The following FRMD3 variants were observed in gnomAD, a reference collection of about 807,000 sequenced individuals.
The protein encoded by FRMD3 is FERM domain containing 3.
In FRMD3, 33 loss-of-function variants were observed where a neutral mutation model predicts 70.2. That is an observed-to-expected ratio of 0.47 (90% CI 0.36 to 0.63). FRMD3 has a LOEUF of 0.63. Among genes scored for constraint, FRMD3 ranks in the 20% least tolerant of loss-of-function variants. The pLI, the probability that FRMD3 is intolerant of heterozygous loss-of-function variation, is 0.00. For synonymous variants in FRMD3, 279 were observed against 255.9 expected (o/e 1.09, Z -0.86); for missense variants, 632 against 711.4 (o/e 0.89, Z 1.27).
At position 83,486,251 on chromosome 9, in the gene FRMD3, G is replaced by A. The variant is rs146033389; in HGVS notation, c.147+51834C>T. The stretch of plus-strand genomic sequence containing the variant: ...CTTTGCCTACTCATGATGCTGAGAC[G>A]TCACCAAGGATGACTGTCACCAAGC... On this transcript the variant is annotated intron_variant, in intron 1 of 13. Transcript: ENST00000304195. Among the ~76,000 whole-genome samples, 36 of 152,206 alleles carry A rather than the reference G, an allele frequency of 2.4e-4. No homozygotes were observed. The South Asian group carries it at 5.8e-3, about 25-fold the overall frequency.
intron 1 of FRMD3, among the ~76,000 whole-genome samples, chr9:83,460,608 T>A (rs3860929): frequency 0.75 from 113,962 of 152,000 alleles, 42,884 homozygotes; most frequent in African/African-American, 0.81. Context: ...TTTCATTGAA[T>A]AAGGGATCCG....
chr9:83,465,836 T>C (rs1394184479), intron 1 of FRMD3, among the ~76,000 whole-genome samples: 1 of 152,194 alleles, frequency 6.6e-6, no homozygotes, highest in Non-Finnish European at 1.5e-5. Flanking sequence ...TGTATCCAAC[T>C]CATTAAAAAA....
chr9:83,581,223 C>T, the FRMD3 span, among the ~76,000 whole-genome samples: 1 of 151,572 alleles, frequency 6.6e-6, no homozygotes, highest in African/African-American at 2.4e-5. Context: ...CAAATTACAC[C>T]CCGTTAAGGA....
chr9:83,573,995 G>A, the FRMD3 span, among the ~76,000 whole-genome samples: 1 of 152,184 alleles, frequency 6.6e-6, no homozygotes, highest in African/African-American at 2.4e-5. Context: ...AAATAGCAAG[G>A]CTATTACCCC....
At chr9:83,324,766 A>C (rs986449556) in intron 6 of FRMD3, among the ~76,000 whole-genome samples, 1 of 152,202 alleles carries the variant, frequency 6.6e-6, no homozygotes, top group Admixed American at 6.5e-5. Flanking sequence ...TGTGGATGAG[A>C]GTTCTGACAT....
At chr9:83,295,220 G>T (rs1157886377) in intron 12 of FRMD3, among the ~76,000 whole-genome samples, 2 of 152,192 alleles carry the variant, frequency 1.3e-5, no homozygotes, top group Non-Finnish European at 2.9e-5. Context: ...TTCTCATTGT[G>T]CATGTAAGAT....
intron 4 of FRMD3, 64 bp from the exon 5 acceptor site, chr9:83,343,351 G>C: frequency 8.9e-7 from 1 of 1,125,274 alleles, no homozygotes; most frequent in Non-Finnish European, 1.4e-6. Flanking sequence ...AAGTAGGATT[G>C]TTCATGCTTA....
chr9:83,510,021 A>G (rs1829302003), intron 1 of FRMD3, among the ~76,000 whole-genome samples: 1 of 152,184 alleles, frequency 6.6e-6, no homozygotes, highest in Non-Finnish European at 1.5e-5. Flanking sequence ...TTTCATACAG[A>G]TAGTGTAATA....
chr9:83,422,338 G>C (rs547237377), intron 1 of FRMD3, among the ~76,000 whole-genome samples: 1 of 152,132 alleles, frequency 6.6e-6, no homozygotes, highest in Non-Finnish European at 1.5e-5. Flanking sequence ...TTCCCAGAAA[G>C]CTCTTCATTC....
At chr9:83,576,062 T>C in the FRMD3 span, among the ~76,000 whole-genome samples, 1 of 151,634 alleles carries the variant, frequency 6.6e-6, no homozygotes. Context: ...AAATAAAAAA[T>C]TTTCTAAAAG....
At chr9:83,475,964 T>C (rs775179629) in intron 1 of FRMD3, among the ~76,000 whole-genome samples, 5 of 152,210 alleles carry the variant, frequency 3.3e-5, no homozygotes, top group Non-Finnish European at 7.3e-5. Context: ...GCTGAGTGTC[T>C]ACAGTGGGCT....
chr9:83,312,099 G>A, intron 7 of FRMD3, 124 bp from the exon 8 acceptor site: 1 of 703,272 alleles, frequency 1.4e-6, no homozygotes, highest in South Asian at 2.0e-5. Flanking sequence ...AATGATTGTA[G>A]CAATAAACTA....
At chr9:83,459,968 C>A (rs1827924690) in intron 1 of FRMD3, among the ~76,000 whole-genome samples, 1 of 152,252 alleles carries the variant, frequency 6.6e-6, no homozygotes, top group Non-Finnish European at 1.5e-5. Context: ...AGAGGACAAG[C>A]TCTCTGGTGT....
At position 83,316,348 on chromosome 9, in the gene FRMD3, G is replaced by A. The variant is rs557648102; in HGVS notation, c.597-2601C>T. Among the ~76,000 whole-genome samples, 11 of 151,636 alleles carry A rather than the reference G, an allele frequency of 7.3e-5. No homozygotes were observed. The East Asian group carries it at 2.1e-3, about 29-fold the overall frequency. On this transcript the variant is annotated intron_variant, in intron 6 of 13. Transcript: ENST00000304195. ...TAATTTTTGTTTTTAGTAGAGATGGGGTTTCGACATGTTAGCCAGGCTAGT... is the reference window on the plus strand; with the variant it reads ...TAATTTTTGTTTTTAGTAGAGATGGAGTTTCGACATGTTAGCCAGGCTAGT...
chr9:83,437,995 G>A (rs1269323273), intron 1 of FRMD3, among the ~76,000 whole-genome samples: 1 of 152,104 alleles, frequency 6.6e-6, no homozygotes, highest in Non-Finnish European at 1.5e-5. Flanking sequence ...ACTCAGTTTT[G>A]CAGAATCAGC....
chr9:83,566,427 C>A, the FRMD3 span, among the ~76,000 whole-genome samples: 1 of 152,126 alleles, frequency 6.6e-6, no homozygotes, highest in East Asian at 1.9e-4. Flanking sequence ...CTGGCCCCTG[C>A]AAATCTCATG....
chr9:83,522,650 G>A (rs1300302333), intron 1 of FRMD3, among the ~76,000 whole-genome samples: 3 of 148,588 alleles, frequency 2.0e-5, no homozygotes, highest in African/African-American at 5.0e-5. Flanking sequence ...TGCAAGCTCC[G>A]CCTCCCAGGT....
At chr9:83,361,668 A>T (rs2131224058) in intron 3 of FRMD3, among the ~76,000 whole-genome samples, 1 of 152,350 alleles carries the variant, frequency 6.6e-6, no homozygotes, top group Non-Finnish European at 1.5e-5. Flanking sequence ...ATTTGGAAAT[A>T]GGGTCTTTGT....
At position 83,311,825 on chromosome 9, in the gene FRMD3, G is replaced by A. The variant is rs78897246; in HGVS notation, c.773+62C>T. The A allele has an allele frequency of 5.3e-3, 6,086 of 1,157,320 alleles. 82 individuals are homozygous for A. Among genetic ancestry groups the A allele is most frequent in the East Asian group, 0.05 (2,120 of 42,708 alleles). The allele number at this position is 1,157,320 out of a possible 1,614,324, so 71.7% of individuals were successfully genotyped here. A position where few individuals can be genotyped will look rare whatever the true frequency, so the allele number is the denominator to read the frequency against. ...CCTGACACTTGCCCGAGAAGCCAAG[G>A]AGGGGACGGAGGAATCAAGATTAAG... On this transcript the variant is annotated intron_variant, in intron 8 of 13. Transcript: ENST00000304195.
Sources: allele counts gnomAD v4.1 joint callset (sites outside exome capture counted in the v4.1 genomes callset), GRCh38; gene constraint gnomAD v4.1.1; transcripts MANE v1.5; gene names NCBI Gene and HGNC (gene_info 2026-07-23, HGNC 2026-07-21).